KDM3B: variants seen among roughly 807,000 people sequenced by gnomAD.
KDM3B encodes lysine-specific demethylase 3B.
KDM3B carries 10 observed loss-of-function variants against 170.0 expected under a neutral mutation model. The ratio of observed to expected loss-of-function variants is 0.06; its 90% confidence interval spans 0.04 to 0.10. KDM3B has a LOEUF of 0.10. Among genes scored for constraint, KDM3B ranks in the 10% least tolerant of loss-of-function variants. The pLI, the probability that KDM3B is intolerant of heterozygous loss-of-function variation, is 1.00. For synonymous variants in KDM3B, 831 were observed against 834.8 expected (o/e 1.00, Z 0.08); for missense variants, 1,394 against 2,195.2 (o/e 0.64, Z 7.29).
At chr5:138,417,692 G>A in intron 13 of KDM3B, 82 bp downstream of exon 13, 1 of 1,417,688 alleles carries the variant, frequency 7.1e-7, no homozygotes, top group African/African-American at 1.4e-5. Context: ...ACTCTGTTAT[G>A]CCAGGCTACT....
At chr5:138,358,571 G>C (rs1341149769) in intron 1 of KDM3B, among the ~76,000 whole-genome samples, 1 of 150,574 alleles carries the variant, frequency 6.6e-6, no homozygotes, top group Non-Finnish European at 1.5e-5. Context: ...CTCCCAAACT[G>C]CTGGGATTAC....
intron 9 of KDM3B, among the ~76,000 whole-genome samples, chr5:138,395,640 G>A (rs1433843180): frequency 6.6e-6 from 1 of 151,628 alleles, no homozygotes; most frequent in African/African-American, 2.4e-5. Flanking sequence ...TTTTTGAGAC[G>A]GAGTCTTGCC....
chr5:138,389,379 T>A (rs1171320611), intron 7 of KDM3B, among the ~76,000 whole-genome samples: 1 of 152,230 alleles, frequency 6.6e-6, no homozygotes, highest in Non-Finnish European at 1.5e-5. Flanking sequence ...AAAGAATAGT[T>A]TAATTAAAAC....
intron 1 of KDM3B, among the ~76,000 whole-genome samples, chr5:138,368,139 C>T (rs1367945815): frequency 1.3e-5 from 2 of 152,096 alleles, no homozygotes; most frequent in Non-Finnish European, 2.9e-5. Context: ...AGTTTATATC[C>T]CTTCTTTGTA....
At chr5:138,407,059 C>T (rs1162573022) in intron 11 of KDM3B, among the ~76,000 whole-genome samples, 1 of 150,924 alleles carries the variant, frequency 6.6e-6, no homozygotes, top group African/African-American at 2.4e-5. Flanking sequence ...GATCTCAGCC[C>T]ACTGCAACCT....
chr5:138,384,316 G>C (rs1347471224), intron 6 of KDM3B, among the ~76,000 whole-genome samples: 1 of 150,772 alleles, frequency 6.6e-6, no homozygotes, highest in Non-Finnish European at 1.5e-5. Flanking sequence ...GAAAGGTTTA[G>C]AGGCTGGGCG....
At position 138,391,067 on chromosome 5, in the gene KDM3B, T is replaced by G; in HGVS notation, c.1435T>G (p.Ser479Ala). 6.2e-7 allele frequency: 1 copy of G among 1,608,920 alleles called. No individual in the cohort carries two copies. The highest frequency in any genetic ancestry group is 2.2e-5 in the East Asian group (1 of 44,760). The change falls in exon 8 of 24, where the codon TCA (serine) becomes GCA (alanine). Residue 479 changes from serine (S) to alanine (A), a missense_variant. Ser to Ala is a moderately conservative substitution (Grantham distance 99, BLOSUM62 1). Around this residue, in one of 19 missense-constraint regions of KDM3B, gnomAD observed 10 missense variants for 29.3 expected, o/e 0.34. Coordinates refer to ENST00000314358, the MANE Select transcript of KDM3B (RefSeq NM_016604.4). This position sits in a 1 kb window ranked among gnomAD's most constrained non-coding sequence, Gnocchi z 5.0. ...SSGFGAPLPSSSQPLTFGSGR... is the reference protein window; with the variant it reads ...SSGFGAPLPSASQPLTFGSGR... The stretch of plus-strand genomic sequence containing the variant: ...TGGATTTGGAGCACCTCTCCCTAGT[T>G]CATCGCAACCTTTGACTTTTGGAAG...
At chr5:138,401,626 G>A (rs1222329814) in intron 11 of KDM3B, among the ~76,000 whole-genome samples, 1 of 152,108 alleles carries the variant, frequency 6.6e-6, no homozygotes, top group Non-Finnish European at 1.5e-5. Context: ...TTTCTCTTGA[G>A]TATATATATA....
chr5:138,431,061 A>AT (rs1483803415), intron 22 of KDM3B, among the ~76,000 whole-genome samples: 2 of 151,532 alleles, frequency 1.3e-5, no homozygotes, highest in Admixed American at 1.3e-4. Context: ...TTTCCAGAAC[A>AT]TTTTCTGTGC....
chr5:138,403,554 G>A (rs1450567237), intron 11 of KDM3B, among the ~76,000 whole-genome samples: 1 of 151,940 alleles, frequency 6.6e-6, no homozygotes, highest in African/African-American at 2.4e-5. Flanking sequence ...GCGGGTGCCT[G>A]TAATCCCAGC....
chr5:138,393,921 T>A (rs1021628801), intron 9 of KDM3B, among the ~76,000 whole-genome samples: 3 of 152,140 alleles, frequency 2.0e-5, no homozygotes, highest in African/African-American at 7.2e-5. Flanking sequence ...TTCAAGAATC[T>A]TTAATTTTTA....
rs1281748591 is a variant in KDM3B, at chr5:138,374,490, C to T, written c.361-603C>T. ...AGCCAAGATGGTCTCGATCTCCTGA[C>T]CTCGTGATCCACCCGCCTCGGCCTC... is the stretch of plus-strand genomic sequence containing the variant. On this transcript the variant is annotated intron_variant, in intron 2 of 23. Coordinates refer to ENST00000314358, the MANE Select transcript of KDM3B (RefSeq NM_016604.4). Among the ~76,000 whole-genome samples the T allele has an allele frequency of 2.6e-5, 4 of 152,078 alleles. No individual in the cohort carries two copies. The East Asian group carries it at 7.8e-4, about 30-fold the overall frequency.
intron 7 of KDM3B, among the ~76,000 whole-genome samples, chr5:138,390,749 A>G (rs762315467): frequency 6.6e-6 from 1 of 152,208 alleles, no homozygotes; most frequent in Admixed American, 6.5e-5. Context: ...GACCAATTGG[A>G]TAACAACCAA....
chr5:138,431,173 G>T (rs1381633010), intron 22 of KDM3B, among the ~76,000 whole-genome samples: 1 of 151,838 alleles, frequency 6.6e-6, no homozygotes, highest in African/African-American at 2.4e-5. Context: ...GCCCAGGCTG[G>T]TCTTGAACTC....
chr5:138,362,094 C>T (rs771581910), intron 1 of KDM3B, among the ~76,000 whole-genome samples: 4 of 151,924 alleles, frequency 2.6e-5, no homozygotes, highest in African/African-American at 9.7e-5. Flanking sequence ...CTGAGGTGGG[C>T]GGATCACTTG....
At chr5:138,423,484 CTT>C (rs1763323724) in intron 15 of KDM3B, among the ~76,000 whole-genome samples, 1 of 152,148 alleles carries the variant, frequency 6.6e-6, no homozygotes, top group Non-Finnish European at 1.5e-5. Flanking sequence ...TGGGCCTGAG[CTT>C]TCCCATCAGC....
chr5:138,383,178 A>T (rs1248145287), intron 6 of KDM3B, among the ~76,000 whole-genome samples: 2 of 150,732 alleles, frequency 1.3e-5, no homozygotes, highest in African/African-American at 4.9e-5. Flanking sequence ...TTGCTCTGTC[A>T]CCCATGCTGG....
At chr5:138,412,505 T>C (rs1331013716) in intron 11 of KDM3B, among the ~76,000 whole-genome samples, 2 of 151,858 alleles carry the variant, frequency 1.3e-5, no homozygotes, top group African/African-American at 2.4e-5. Context: ...AATTTAAAAA[T>C]TAGCGAGACG....
intron 16 of KDM3B, among the ~76,000 whole-genome samples, chr5:138,425,026 G>A (rs893171488): frequency 6.6e-6 from 1 of 152,180 alleles, no homozygotes; most frequent in African/African-American, 2.4e-5. Flanking sequence ...CAAGTTTTTT[G>A]ATAGTGTGAT....
Sources: gnomAD v4.1 joint callset for allele counts (sites outside exome capture counted in the v4.1 genomes callset) on GRCh38, gnomAD v4.1.1 for gene constraint, gnomAD v4.1.1 regional missense constraint, Gnocchi (gnomAD v3.1) non-coding constraint, MANE v1.5 for transcripts, NCBI Gene and HGNC (gene_info 2026-07-23, HGNC 2026-07-21) for gene names.